The following DEUP1 variants were observed in gnomAD, a reference collection of about 807,000 sequenced individuals.
DEUP1 encodes coiled-coil domain containing 67.
In DEUP1, 82 loss-of-function variants were observed where a neutral mutation model predicts 87.4. The observed-to-expected ratio is 0.94, with a 90% CI of 0.78 to 1.13. The LOEUF is 1.13. Ranked by LOEUF, DEUP1 falls within the 50% of genes most tolerant of loss-of-function variation. The probability of loss-of-function intolerance (pLI) is 0.00; values close to 1 mark genes in which losing one functional copy is unlikely to be tolerated. For synonymous variants in DEUP1, 214 were observed against 222.7 expected, an observed-to-expected ratio of 0.96 and a Z score of 0.35; for missense variants, 663 against 681.5, an observed-to-expected ratio of 0.97 and a Z score of 0.30.
At chr11:93,380,965 A>G (rs555781129) in intron 7 of DEUP1, among the ~76,000 whole-genome samples, 1 of 152,324 alleles carries the variant, frequency 6.6e-6, no homozygotes, top group South Asian at 2.1e-4. Flanking sequence ...GATTTTGAAA[A>G]GTAATTTGGT....
chr11:93,402,190 C>A (rs1280791416), intron 11 of DEUP1, among the ~76,000 whole-genome samples: 2 of 151,394 alleles, frequency 1.3e-5, no homozygotes, highest in Non-Finnish European at 3.0e-5. Context: ...TAATAATGGC[C>A]AAAAGATCTG....
At chr11:93,353,634 C>G (rs1201885980) in intron 2 of DEUP1, among the ~76,000 whole-genome samples, 1 of 152,248 alleles carries the variant, frequency 6.6e-6, no homozygotes, top group Non-Finnish European at 1.5e-5. Context: ...CTTCTGAAAT[C>G]TAGGCAGAGG....
chr11:93,384,800 G>A (rs892108022), intron 7 of DEUP1, among the ~76,000 whole-genome samples: 1 of 152,096 alleles, frequency 6.6e-6, no homozygotes, highest in African/African-American at 2.4e-5. Flanking sequence ...TTCACACTCA[G>A]TGTCATATTT....
chr11:93,372,454 G>A (rs1361517519), intron 7 of DEUP1, among the ~76,000 whole-genome samples: 1 of 152,028 alleles, frequency 6.6e-6, no homozygotes, highest in Admixed American at 6.6e-5. Context: ...ACCACCCCAA[G>A]ATCTTTTGCC....
rs1182414976 is a variant in DEUP1 at position 93,421,042 on chromosome 11, G to T, written c.1638+5928G>T. On this transcript the variant is annotated intron_variant, in intron 13 of 13. Coordinates refer to ENST00000298050, the MANE Select transcript of DEUP1 (RefSeq NM_181645.4). ...AGCTCCCAGCGTGAGCGACGCAGAA[G>T]ACGGTGATTTCTGCATTTCCATCTG... Among the ~76,000 whole-genome samples the T allele has an allele frequency of 1.7e-4, 6 of 34,502 alleles. 3 individuals carry two copies. The highest frequency in any genetic ancestry group is 1.5e-3 in the Admixed American group (4 of 2,628). 22.6% of individuals were successfully genotyped at this position (34,502 alleles called of 152,430 possible). A position where few individuals can be genotyped will look rare whatever the true frequency, so the allele number is the denominator to read the frequency against.
intron 7 of DEUP1, among the ~76,000 whole-genome samples, chr11:93,381,339 T>C (rs1946294468): frequency 6.6e-6 from 1 of 152,164 alleles, no homozygotes; most frequent in African/African-American, 2.4e-5. Flanking sequence ...TTCTCTTCCC[T>C]TTTCACAAAA....
rs796671130 is a variant in DEUP1, at chr11:93,436,624, T to C, written c.1639-919T>C. ...AGTACTCCATCATTTGCATGATCCC[T>C]AGTTTTGGCAGGGGCCAGATTGGTG... On this transcript the variant is annotated intron_variant, in intron 13 of 13. Coordinates refer to ENST00000298050, the MANE Select transcript of DEUP1 (RefSeq NM_181645.4). 1.8e-4 allele frequency among the ~76,000 whole-genome samples: 28 copies of C among 152,296 alleles called. 1 individual carries two copies. The highest frequency in any genetic ancestry group is 6.7e-4 in the African/African-American group (28 of 41,570).
At chr11:93,344,459 T>C (rs1006860328) in intron 2 of DEUP1, among the ~76,000 whole-genome samples, 1 of 151,882 alleles carries the variant, frequency 6.6e-6, no homozygotes, top group African/African-American at 2.4e-5. Context: ...CCATGTTTCA[T>C]GACATAGTCT....
intron 2 of DEUP1, among the ~76,000 whole-genome samples, chr11:93,342,890 G>C (rs531960389): frequency 6.6e-6 from 1 of 152,290 alleles, no homozygotes; most frequent in Admixed American, 6.5e-5. Flanking sequence ...AGGATCATGA[G>C]GGGTTTTTAT....
At chr11:93,339,577 T>C (rs4237558) in intron 2 of DEUP1, among the ~76,000 whole-genome samples, 48,210 of 152,116 alleles carry the variant, frequency 0.32, 8,541 homozygotes, top group Non-Finnish European at 0.42. Flanking sequence ...ACAGGTGGCA[T>C]ATGAGGCATA....
intron 7 of DEUP1, among the ~76,000 whole-genome samples, chr11:93,377,553 G>A (rs1946097061): frequency 6.6e-6 from 1 of 152,096 alleles, no homozygotes; most frequent in East Asian, 1.9e-4. Flanking sequence ...CTTGGTTGGT[G>A]AATTCTTATC....
At chr11:93,431,015 G>C (rs1948085777) in intron 13 of DEUP1, among the ~76,000 whole-genome samples, 1 of 147,438 alleles carries the variant, frequency 6.8e-6, no homozygotes, top group African/African-American at 2.5e-5. Flanking sequence ...AGAATCGCTT[G>C]AACCCGGGAA....
chr11:93,375,071 GTCTT>G (rs1945970860), intron 7 of DEUP1, among the ~76,000 whole-genome samples: 1 of 148,238 alleles, frequency 6.7e-6, no homozygotes, highest in Admixed American at 6.7e-5. Context: ...AAGAGGTTGA[GTCTT>G]TATTTGATTT....
chr11:93,382,479 G>T (rs939666566), intron 7 of DEUP1, among the ~76,000 whole-genome samples: 1 of 152,030 alleles, frequency 6.6e-6, no homozygotes, highest in Non-Finnish European at 1.5e-5. Flanking sequence ...CCTGTCAATG[G>T]TGTCTCCAAA....
At position 93,379,496 on chromosome 11, in the gene DEUP1, A is replaced by C. The variant is rs544121256; in HGVS notation, c.790-5902A>C. ...ACCATCTCTACTCTCCCTCCAAATAAATGCCTTAAGCCTATGCTTCTCACA... is the reference window on the plus strand; with the variant it reads ...ACCATCTCTACTCTCCCTCCAAATACATGCCTTAAGCCTATGCTTCTCACA... On this transcript the variant is annotated intron_variant, in intron 7 of 13. Coordinates refer to ENST00000298050, the MANE Select transcript of DEUP1 (RefSeq NM_181645.4). 1.3e-3 allele frequency among the ~76,000 whole-genome samples: 198 copies of C among 152,272 alleles called. 1 individual carries two copies. The highest frequency in any genetic ancestry group is 4.6e-3 in the African/African-American group (190 of 41,560).
intron 12 of DEUP1, among the ~76,000 whole-genome samples, chr11:93,413,110 T>A (rs1193114385): frequency 3.9e-5 from 6 of 152,268 alleles, no homozygotes; most frequent in Middle Eastern, 3.4e-3. Flanking sequence ...ATGTGAAAAA[T>A]TTTTTAACTA....
intron 2 of DEUP1, chr11:93,352,519 G>A (rs1166967814): frequency 7.9e-6 from 5 of 633,480 alleles, no homozygotes; most frequent in South Asian, 3.7e-5. Context: ...ATATTACTAT[G>A]TGTATGACTA....
chr11:93,407,908 A>C (rs1185866293), intron 11 of DEUP1, among the ~76,000 whole-genome samples: 1 of 151,910 alleles, frequency 6.6e-6, no homozygotes, highest in East Asian at 2.0e-4. Context: ...CAACCTAAAT[A>C]GATACAGAGA....
intron 2 of DEUP1, among the ~76,000 whole-genome samples, chr11:93,341,673 G>A (rs980276760): frequency 7.9e-5 from 12 of 152,166 alleles, no homozygotes; most frequent in Non-Finnish European, 1.8e-4. Context: ...AGTTGCGTAT[G>A]ACTGCTCTAC....
Sources: allele counts gnomAD v4.1 joint callset (sites outside exome capture counted in the v4.1 genomes callset), GRCh38; gene constraint gnomAD v4.1.1; transcripts MANE v1.5; gene names NCBI Gene and HGNC (gene_info 2026-07-23, HGNC 2026-07-21).